The following EXOC6B variants were observed in gnomAD, a reference collection of about 807,000 sequenced individuals.
EXOC6B encodes the protein exocyst complex component 6B, also known as SEC15 homolog B.
A neutral mutation model predicts 113.5 loss-of-function variants in EXOC6B; 54 were observed. The ratio of observed to expected loss-of-function variants is 0.48; its 90% CI spans 0.38 to 0.60. EXOC6B has a LOEUF of 0.60. Among genes scored for constraint, EXOC6B ranks in the 20% least tolerant of loss-of-function variants. The pLI is 0.00. For missense variants in EXOC6B, 797 were observed against 977.5 expected (o/e 0.82, Z 2.46); for synonymous variants, 357 against 339.0 (o/e 1.05, Z -0.58).
chr2:72,753,688 T>C (rs994555424), intron 1 of EXOC6B, among the ~76,000 whole-genome samples: 1 of 152,278 alleles, frequency 6.6e-6, no homozygotes, highest in South Asian at 2.1e-4. Flanking sequence ...GTCCCTAGCA[T>C]AGTATGTAAG....
chr2:72,513,786 T>C (rs925267798), intron 10 of EXOC6B, among the ~76,000 whole-genome samples: 12 of 152,048 alleles, frequency 7.9e-5, no homozygotes, highest in Non-Finnish European at 1.5e-4. Flanking sequence ...TGAAGTTACG[T>C]TTGAACAATC....
chr2:72,482,597 G>T (rs1056918560), intron 16 of EXOC6B, among the ~76,000 whole-genome samples: 1 of 152,052 alleles, frequency 6.6e-6, no homozygotes, highest in Non-Finnish European at 1.5e-5. Context: ...TCAAAACAAC[G>T]TTAAAAAGTT....
intron 1 of EXOC6B, among the ~76,000 whole-genome samples, chr2:72,800,443 A>G (rs1017087205): frequency 2.0e-5 from 3 of 152,048 alleles, no homozygotes; most frequent in African/African-American, 7.2e-5. Flanking sequence ...AAATCAAAAT[A>G]CCTGTTGTTT....
In EXOC6B at chr2:72,273,890, A is replaced by T. The variant is rs77370612; in HGVS notation, c.2196+61057T>A. Among the ~76,000 whole-genome samples the T allele has an allele frequency of 5.1e-3, 780 of 152,258 alleles. 4 individuals are homozygous for T. The highest frequency in any genetic ancestry group is 9.2e-3 in the Admixed American group (140 of 15,264). ...GGTCTACTATGCGAAAGCAGTGGGA[A>T]CACTGAGAAAAATATGTAAAATAAC... On this transcript the variant is annotated intron_variant, in intron 20 of 21. Coordinates refer to ENST00000272427, the MANE Select transcript of EXOC6B (RefSeq NM_015189.3).
intron 6 of EXOC6B, among the ~76,000 whole-genome samples, chr2:72,675,766 C>G (rs1421125298): frequency 1.3e-5 from 2 of 151,870 alleles, no homozygotes; most frequent in Non-Finnish European, 2.9e-5. Flanking sequence ...TGCACTCTAG[C>G]CTGGGTGACA....
At chr2:72,567,013 G>A (rs182236129) in intron 7 of EXOC6B, among the ~76,000 whole-genome samples, 331 of 152,162 alleles carry the variant, frequency 2.2e-3, no homozygotes, top group Non-Finnish European at 3.0e-3. Flanking sequence ...CTTACAAAAG[G>A]TGGGTAGGAG....
At chr2:72,438,572 G>A (rs1476135861) in intron 18 of EXOC6B, among the ~76,000 whole-genome samples, 1 of 152,144 alleles carries the variant, frequency 6.6e-6, no homozygotes, top group Non-Finnish European at 1.5e-5. Flanking sequence ...TTGTGCCACT[G>A]CAGTCAATAC....
At chr2:72,384,017 G>T (rs997548136) in intron 18 of EXOC6B, among the ~76,000 whole-genome samples, 3 of 152,076 alleles carry the variant, frequency 2.0e-5, no homozygotes, top group African/African-American at 7.2e-5. Context: ...GATGGGAGAA[G>T]TGAGAGGATC....
intron 18 of EXOC6B, among the ~76,000 whole-genome samples, chr2:72,390,406 T>A (rs572928074): frequency 6.6e-6 from 1 of 152,338 alleles, no homozygotes; most frequent in Non-Finnish European, 1.5e-5. Context: ...TGGATGTTTA[T>A]ATGGACTGAT....
At chr2:72,597,282 G>A (rs1384308104) in intron 6 of EXOC6B, among the ~76,000 whole-genome samples, 1 of 151,600 alleles carries the variant, frequency 6.6e-6, no homozygotes, top group African/African-American at 2.4e-5. Context: ...ATTAATGACA[G>A]CAATGTTATA....
At chr2:72,218,748 C>A (rs943516962) in intron 20 of EXOC6B, among the ~76,000 whole-genome samples, 6 of 151,976 alleles carry the variant, frequency 3.9e-5, no homozygotes, top group Non-Finnish European at 1.5e-5. Flanking sequence ...CTGCAACCTC[C>A]GACTCCCTGG....
chr2:72,545,564 A>G (rs1399427998), intron 8 of EXOC6B, among the ~76,000 whole-genome samples: 3 of 152,224 alleles, frequency 2.0e-5, no homozygotes, highest in Non-Finnish European at 4.4e-5. Context: ...GAACTATTTC[A>G]TAACACAATT....
rs190626505 is a variant in EXOC6B, at chr2:72,718,407, C to T, written c.465-100G>A. 1.8e-3 allele frequency: 1,413 copies of T among 789,998 alleles called. 14 individuals are homozygous for T. The highest frequency in any genetic ancestry group is 4.6e-4 in the East Asian group (17 of 37,258). 48.9% of individuals were successfully genotyped at this position (789,998 alleles called of 1,614,324 possible). On this transcript the variant is annotated intron_variant, in intron 5 of 21. Transcript: ENST00000272427. ...TTTTCACTGTGCATTAACACAAATC[C>T]AGCATGAAGTTTTAATGAGAACATC...
At chr2:72,622,563 A>T (rs1387746740) in intron 6 of EXOC6B, among the ~76,000 whole-genome samples, 1 of 152,120 alleles carries the variant, frequency 6.6e-6, no homozygotes, top group Admixed American at 6.5e-5. Flanking sequence ...AACAAAAATT[A>T]GCCAGGTGTG....
At chr2:72,624,148 T>C (rs1211359855) in intron 6 of EXOC6B, among the ~76,000 whole-genome samples, 1 of 152,134 alleles carries the variant, frequency 6.6e-6, no homozygotes, top group Non-Finnish European at 1.5e-5. Context: ...CTTTTTTTTT[T>C]CCTTTTTTGA....
At chr2:72,636,081 G>A (rs951615533) in intron 6 of EXOC6B, among the ~76,000 whole-genome samples, 1 of 152,024 alleles carries the variant, frequency 6.6e-6, no homozygotes, top group Admixed American at 6.6e-5. Flanking sequence ...AAATTAGTCA[G>A]GTGCAGTGTC....
intron 8 of EXOC6B, among the ~76,000 whole-genome samples, chr2:72,530,309 T>C (rs1309464356): frequency 6.6e-6 from 1 of 152,206 alleles, no homozygotes; most frequent in Non-Finnish European, 1.5e-5. Context: ...CAAATCTTCA[T>C]TTTCATTCAG....
At chr2:72,602,889 T>C (rs1046746976) in intron 6 of EXOC6B, among the ~76,000 whole-genome samples, 2 of 152,120 alleles carry the variant, frequency 1.3e-5, no homozygotes, top group Non-Finnish European at 2.9e-5. Context: ...TGTCTAAAAA[T>C]GACAGCTTCT....
chr2:72,618,237 C>T (rs551294087), intron 6 of EXOC6B, among the ~76,000 whole-genome samples: 2 of 152,152 alleles, frequency 1.3e-5, no homozygotes, highest in Admixed American at 6.5e-5. Flanking sequence ...GACTTGGTGG[C>T]AGATGCCTGT....
Sources: gnomAD v4.1 joint callset for allele counts (sites outside exome capture counted in the v4.1 genomes callset) on GRCh38, gnomAD v4.1.1 for gene constraint, MANE v1.5 for transcripts, NCBI Gene and HGNC (gene_info 2026-07-23, HGNC 2026-07-21) for gene names.